Variants in RIMKLB observed in about 807,000 individuals in gnomAD.
The protein encoded by RIMKLB is beta-citrylglutamate synthase B.
RIMKLB carries 7 observed loss-of-function variants against 32.0 expected under a neutral mutation model. That is an observed-to-expected ratio of 0.22 (90% CI 0.12 to 0.41). The LOEUF (loss-of-function observed/expected upper bound fraction) is 0.41, where lower values mean the gene tolerates loss of function less well. Among genes scored for constraint, RIMKLB ranks in the 10% least tolerant of loss-of-function variants. The pLI, the probability that RIMKLB is intolerant of heterozygous loss-of-function variation, is 1.00. For missense variants in RIMKLB, 289 were observed against 498.7 expected (o/e 0.58, Z 4.00); for synonymous variants, 172 against 185.1 (o/e 0.93, Z 0.57).
At chr12:8,761,553 T>G (rs1371293053) in intron 5 of RIMKLB, among the ~76,000 whole-genome samples, 2 of 152,230 alleles carry the variant, frequency 1.3e-5, no homozygotes, top group East Asian at 3.9e-4. Flanking sequence ...CAGGCGATAA[T>G]ATGATTTGAC....
At chr12:8,695,789 G>A (rs1942871405), upstream of RIMKLB, among the ~76,000 whole-genome samples, 2 of 151,826 alleles carry the variant, frequency 1.3e-5, no homozygotes, top group Admixed American at 1.3e-4. Flanking sequence ...CACCTCCCAG[G>A]TTCAAGCGAT....
intron 1 of RIMKLB, among the ~76,000 whole-genome samples, chr12:8,685,911 G>A (rs1326110711): frequency 2.6e-5 from 4 of 152,016 alleles, no homozygotes; most frequent in East Asian, 1.9e-4. Context: ...AGGTTCCAGC[G>A]ATTCTCCTGC....
intron 2 of RIMKLB, among the ~76,000 whole-genome samples, chr12:8,736,252 G>A (rs1256661328): frequency 6.6e-6 from 1 of 152,120 alleles, no homozygotes; most frequent in African/African-American, 2.4e-5. Context: ...TGCTATTTAG[G>A]GAGGCTGGGT....
chr12:8,720,353 C>T (rs1196410865), intron 2 of RIMKLB, among the ~76,000 whole-genome samples: 1 of 152,172 alleles, frequency 6.6e-6, no homozygotes, highest in East Asian at 1.9e-4. Flanking sequence ...TGAGTTCAAT[C>T]TTTTGACGCT....
In RIMKLB at chr12:8,752,031, C is replaced by T. The variant is rs1362804825; in HGVS notation, c.481C>T (p.Arg161Trp). 6.2e-7 allele frequency: 1 copy of T among 1,606,740 alleles called. No homozygotes were observed. The change falls in exon 4 of 6, where the codon CGG becomes TGG. Residue 161 changes from arginine (R) to tryptophan (W), a missense_variant. Arg to Trp is a moderately radical substitution (Grantham distance 101). Around this residue, in one of 3 missense-constraint regions of RIMKLB, gnomAD observed 156 missense variants for 329.5 expected, o/e 0.47. Transcript: ENST00000535829. ...GTTCCCAATGGTAGTAAAGAATACG[C>T]GGGGTCACAGAGGTATGTATGAGTT... Reference protein sequence around the residue: ...LEFPMVVKNTRGHRGKAVFLA... With the variant: ...LEFPMVVKNTWGHRGKAVFLA...
At chr12:8,740,619 A>G (rs966187948) in intron 2 of RIMKLB, among the ~76,000 whole-genome samples, 31 of 152,220 alleles carry the variant, frequency 2.0e-4, no homozygotes, top group Non-Finnish European at 8.8e-5. Context: ...GAATTACTTC[A>G]CTTAAAATAA....
chr12:8,735,071 A>G (rs1446479733), intron 2 of RIMKLB, among the ~76,000 whole-genome samples: 2 of 152,200 alleles, frequency 1.3e-5, no homozygotes, highest in African/African-American at 4.8e-5. Context: ...CTAATAGGCA[A>G]TAAGAAAAAC....
chr12:8,673,149 T>C, the RIMKLB span, among the ~76,000 whole-genome samples: 8 of 152,114 alleles, frequency 5.3e-5, 1 homozygote, highest in South Asian at 1.0e-3. Flanking sequence ...CCCAAAGTGC[T>C]GGGATTACAG....
upstream of RIMKLB, among the ~76,000 whole-genome samples, chr12:8,695,563 T>C (rs1351216926): frequency 1.4e-5 from 2 of 141,084 alleles, no homozygotes; most frequent in South Asian, 2.1e-4. Flanking sequence ...AGCCTTATCA[T>C]TGGCTTTTTT....
At chr12:8,697,115 T>A (rs1028118313), upstream of RIMKLB, 3 of 152,246 alleles carry the variant, frequency 2.0e-5, no homozygotes, top group Non-Finnish European at 4.4e-5. Context: ...GACTCCGGAC[T>A]GTACTCTTTT....
intron 1 of RIMKLB, 78 bp from the exon 2 acceptor site, chr12:8,713,733 G>A (rs984780739): frequency 1.2e-5 from 10 of 853,100 alleles, no homozygotes; most frequent in Middle Eastern, 2.2e-4. Flanking sequence ...ATATAATCAC[G>A]GCATTTATTT....
In RIMKLB at chr12:8,749,960, T is replaced by C. The variant is rs1948480058; in HGVS notation, c.274T>C (p.Leu92=). Reference sequence around the variant, plus strand: ...GCAAAGTGATAGTGACATCACTGTTTTGCGCCATCTAGAGAAGATGGGATG... The same window carrying C: ...GCAAAGTGATAGTGACATCACTGTTCTGCGCCATCTAGAGAAGATGGGATG... ...WVQSDSDITV[L]RHLEKMGCRL... The change falls in exon 3 of 6, where the codon TTG becomes CTG. Residue 92 remains leucine, a synonymous_variant. Transcript: ENST00000535829. 6.2e-7 allele frequency: 1 copy of C among 1,613,838 alleles called. No individual in the cohort carries two copies. The highest frequency in any genetic ancestry group is 1.1e-5 in the South Asian group (1 of 91,072).
downstream of RIMKLB, among the ~76,000 whole-genome samples, chr12:8,781,117 G>A (rs955343111): frequency 6.6e-6 from 1 of 152,206 alleles, no homozygotes; most frequent in African/African-American, 2.4e-5. Context: ...GAGGAGAGTG[G>A]ATCACCTGAG....
intron 2 of RIMKLB, among the ~76,000 whole-genome samples, chr12:8,739,856 A>G (rs1252424965): frequency 6.6e-6 from 1 of 152,180 alleles, no homozygotes; most frequent in African/African-American, 2.4e-5. Flanking sequence ...TAGGATTTCA[A>G]CACTTAACAT....
chr12:8,739,517 C>T (rs1947306112), intron 2 of RIMKLB, among the ~76,000 whole-genome samples: 1 of 152,122 alleles, frequency 6.6e-6, no homozygotes, highest in Non-Finnish European at 1.5e-5. Context: ...GGCCTGTCAC[C>T]CACGCTGGTG....
chr12:8,731,677 T>C (rs1295678468), intron 2 of RIMKLB, among the ~76,000 whole-genome samples: 2 of 152,182 alleles, frequency 1.3e-5, no homozygotes, highest in Non-Finnish European at 2.9e-5. Context: ...CTCCAGTGTT[T>C]TGAAGATGTT....
intron 1 of RIMKLB, among the ~76,000 whole-genome samples, chr12:8,688,323 A>G (rs10842108): frequency 0.22 from 33,532 of 152,180 alleles, 4,268 homozygotes; most frequent in East Asian, 0.44. Context: ...TTAAGCCAAG[A>G]CACAACAAAG....
intron 5 of RIMKLB, among the ~76,000 whole-genome samples, chr12:8,762,509 A>C (rs1949615924): frequency 6.6e-6 from 1 of 151,948 alleles, no homozygotes; most frequent in South Asian, 2.1e-4. Context: ...TGACCCCGGC[A>C]GTTTAAGACT....
chr12:8,747,364 C>T (rs984911560), intron 2 of RIMKLB, among the ~76,000 whole-genome samples: 3 of 152,108 alleles, frequency 2.0e-5, no homozygotes, highest in Non-Finnish European at 4.4e-5. Context: ...TTATGCTCTG[C>T]CTTACATTTG....
Sources: allele counts gnomAD v4.1 joint callset (sites outside exome capture counted in the v4.1 genomes callset), GRCh38; gene constraint gnomAD v4.1.1; regional missense constraint gnomAD v4.1.1; transcripts MANE v1.5; gene names NCBI Gene and HGNC (gene_info 2026-07-23, HGNC 2026-07-21).